RIMS2: variants seen among roughly 807,000 people sequenced by gnomAD.
RIMS2 encodes the protein regulating synaptic membrane exocytosis protein 2.
Under a neutral mutation model 174.4 loss-of-function variants are expected in RIMS2, and 59 were observed. The ratio of observed to expected loss-of-function variants is 0.34; its 90% CI spans 0.27 to 0.42. RIMS2 has a LOEUF of 0.42. Ranked by LOEUF, RIMS2 falls within the 10% of genes least tolerant of loss-of-function variation. The pLI is 1.00. For synonymous variants in RIMS2, 606 were observed against 572.5 expected, an observed-to-expected ratio of 1.06 and a Z score of -0.84; for missense variants, 1,620 against 1,666.3, an observed-to-expected ratio of 0.97 and a Z score of 0.48.
intron 19 of RIMS2, among the ~76,000 whole-genome samples, chr8:104,060,468 T>G (rs2096962588): frequency 6.6e-6 from 1 of 152,180 alleles, no homozygotes; most frequent in African/African-American, 2.4e-5. Flanking sequence ...CTTTTCTTCT[T>G]TATTAGTCTT....
chr8:104,121,377 C>T (rs772881445), intron 19 of RIMS2, among the ~76,000 whole-genome samples: 6 of 152,116 alleles, frequency 3.9e-5, no homozygotes, highest in Non-Finnish European at 8.8e-5. Context: ...CATGAATTTA[C>T]ATCCCTAATT....
intron 1 of RIMS2, among the ~76,000 whole-genome samples, chr8:103,524,043 G>A (rs4310171): frequency 0.18 from 27,715 of 152,074 alleles, 2,771 homozygotes; most frequent in African/African-American, 0.26. Flanking sequence ...AACTGTAATT[G>A]TAATAAAAAT....
At chr8:104,022,475 C>T (rs117055603) in intron 19 of RIMS2, among the ~76,000 whole-genome samples, 2,296 of 152,100 alleles carry the variant, frequency 0.015, 62 homozygotes, top group Admixed American at 0.059. Context: ...CTCCCCCTCC[C>T]GGCTCAAGGG....
At chr8:103,528,400 A>G (rs1440192630) in intron 1 of RIMS2, among the ~76,000 whole-genome samples, 2 of 151,984 alleles carry the variant, frequency 1.3e-5, no homozygotes, top group African/African-American at 4.8e-5. Flanking sequence ...GTTTAATTAG[A>G]TCCCATTTGT....
At position 103,685,541 on chromosome 8, in the gene RIMS2, A is replaced by T. The variant is rs7824530; in HGVS notation, c.177-11545A>T. Among the ~76,000 whole-genome samples the T allele has an allele frequency of 4.9e-3, 741 of 152,304 alleles. 4 individuals are homozygous for T. Among genetic ancestry groups the T allele is most frequent in the African/African-American group, 0.017 (714 of 41,572 alleles). The stretch of plus-strand genomic sequence containing the variant: ...TTAGAGGGTACAAAACATCCAAATG[A>T]TATCACTAGTTTTACATATAAATTT... On this transcript the variant is annotated intron_variant, in intron 1 of 23. Coordinates refer to ENST00000504942, the Ensembl canonical transcript of RIMS2.
intron 4 of RIMS2, among the ~76,000 whole-genome samples, chr8:103,895,157 G>A (rs1292655286): frequency 7.2e-6 from 1 of 139,840 alleles, no homozygotes; most frequent in African/African-American, 2.7e-5. Context: ...TTATTTTCCT[G>A]TAATTCTTTG....
exon 13 of RIMS2, chr8:103,936,711 T>C (rs755785823): frequency 1.2e-6 from 2 of 1,603,884 alleles, no homozygotes; most frequent in Non-Finnish European, 1.7e-6. Flanking sequence ...AGAAAGTGAA[T>C]TCTTAGGCGA....
chr8:103,531,579 CTT>C (rs1192498910), intron 1 of RIMS2, among the ~76,000 whole-genome samples: 1 of 152,142 alleles, frequency 6.6e-6, no homozygotes, highest in Admixed American at 6.6e-5. Flanking sequence ...CTGATCCACT[CTT>C]TGGTTTTGTA....
At chr8:103,968,392 A>C (rs1198188992) in intron 15 of RIMS2, among the ~76,000 whole-genome samples, 28 of 149,578 alleles carry the variant, frequency 1.9e-4, no homozygotes, top group Admixed American at 1.9e-3. Flanking sequence ...TTCATTGTTT[A>C]TTTTTGTCTT....
rs192226131 is a variant in RIMS2 at position 103,670,785 on chromosome 8, T to G, written c.177-26301T>G. Among the ~76,000 whole-genome samples, 826 of 152,324 alleles carry G rather than the reference T, an allele frequency of 5.4e-3. 3 individuals carry two copies. Among genetic ancestry groups the G allele is most frequent in the Non-Finnish European group, 9.9e-3 (672 of 68,034 alleles). On this transcript the variant is annotated intron_variant, in intron 1 of 23. Coordinates refer to ENST00000504942, the Ensembl canonical transcript of RIMS2. ...ATTATCAGCATTTTGGTCAAAGCCATTCAACAAGTCTCTAGGAAGTTCCAA... is the reference window on the plus strand; with the variant it reads ...ATTATCAGCATTTTGGTCAAAGCCAGTCAACAAGTCTCTAGGAAGTTCCAA...
At chr8:103,582,849 G>T (rs2093692457) in intron 1 of RIMS2, among the ~76,000 whole-genome samples, 2 of 152,118 alleles carry the variant, frequency 1.3e-5, no homozygotes, top group South Asian at 4.1e-4. Flanking sequence ...ACCCACCTGG[G>T]GCCTGGGGGA....
intron 19 of RIMS2, among the ~76,000 whole-genome samples, chr8:104,056,328 C>T (rs1320574185): frequency 3.3e-5 from 5 of 151,264 alleles, no homozygotes; most frequent in Non-Finnish European, 5.9e-5. Flanking sequence ...CGCTTGAACC[C>T]AGGAGGCAGA....
chr8:104,200,730 A>G (rs1178558062), intron 19 of RIMS2, among the ~76,000 whole-genome samples: 1 of 152,090 alleles, frequency 6.6e-6, no homozygotes, highest in Non-Finnish European at 1.5e-5. Flanking sequence ...ACATGGTGAA[A>G]CCCAATCTCT....
chr8:103,951,743 G>A (rs1355283921), intron 14 of RIMS2, among the ~76,000 whole-genome samples: 3 of 152,178 alleles, frequency 2.0e-5, no homozygotes, highest in African/African-American at 4.8e-5. Context: ...CAGAATGCCA[G>A]CAAGACAGAA....
At chr8:103,755,624 A>G (rs1025090773) in intron 2 of RIMS2, among the ~76,000 whole-genome samples, 26 of 151,432 alleles carry the variant, frequency 1.7e-4, no homozygotes, top group African/African-American at 6.0e-4. Flanking sequence ...GGCTTTGTTC[A>G]TTTTCACTTT....
At chr8:103,601,881 A>G (rs1464650130) in intron 1 of RIMS2, among the ~76,000 whole-genome samples, 1 of 152,158 alleles carries the variant, frequency 6.6e-6, no homozygotes, top group Non-Finnish European at 1.5e-5. Flanking sequence ...TTTTAAACTC[A>G]TGACAGCTTA....
chr8:104,108,316 C>T (rs992218604), intron 19 of RIMS2, among the ~76,000 whole-genome samples: 1 of 152,084 alleles, frequency 6.6e-6, no homozygotes, highest in Non-Finnish European at 1.5e-5. Flanking sequence ...TATCTCACTG[C>T]ATGATCATAT....
chr8:103,769,090 G>T, intron 3 of RIMS2: 1 of 209,218 alleles, frequency 4.8e-6, no homozygotes, highest in South Asian at 8.4e-5. Context: ...TAGGAATATA[G>T]ACTCCATTTG....
intron 1 of RIMS2, among the ~76,000 whole-genome samples, chr8:103,633,719 G>T (rs1453441247): frequency 6.6e-6 from 1 of 152,028 alleles, no homozygotes; most frequent in African/African-American, 2.4e-5. Flanking sequence ...GCTCATTATT[G>T]GTCCATTCGG....
Sources: gnomAD v4.1 joint callset for allele counts (sites outside exome capture counted in the v4.1 genomes callset) on GRCh38, gnomAD v4.1.1 for gene constraint, MANE v1.5 for transcripts, NCBI Gene and HGNC (gene_info 2026-07-23, HGNC 2026-07-21) for gene names.